GXYLT1: variants seen among roughly 807,000 people sequenced by gnomAD.
GXYLT1 encodes glucoside xylosyltransferase 1.
In GXYLT1, 29 loss-of-function variants were observed where a neutral mutation model predicts 54.0. The observed-to-expected ratio is 0.54, with a 90% CI of 0.40 to 0.73. The LOEUF (loss-of-function observed/expected upper bound fraction) is 0.73, where lower values mean the gene tolerates loss of function less well. GXYLT1 is among the 30% of genes least tolerant of loss of function. GXYLT1 has a pLI of 0.00. For missense variants in GXYLT1, 490 were observed against 553.4 expected, an observed-to-expected ratio of 0.89 and a Z score of 1.15; for synonymous variants, 176 against 204.1, an observed-to-expected ratio of 0.86 and a Z score of 1.17.
intron 1 of GXYLT1, among the ~76,000 whole-genome samples, chr12:42,131,325 A>C (rs1006694170): frequency 6.6e-6 from 1 of 152,160 alleles, no homozygotes; most frequent in Non-Finnish European, 1.5e-5. Context: ...TACTGTGCTT[A>C]TATCAAATGG....
At chr12:42,134,599 G>A (rs77501563) in intron 1 of GXYLT1, among the ~76,000 whole-genome samples, 3 of 152,096 alleles carry the variant, frequency 2.0e-5, no homozygotes, top group Non-Finnish European at 4.4e-5. Context: ...TAAGCTCCCT[G>A]CTTTACCCAT....
At chr12:42,111,978 C>T (rs376844004) in intron 3 of GXYLT1, among the ~76,000 whole-genome samples, 2 of 152,186 alleles carry the variant, frequency 1.3e-5, no homozygotes, top group African/African-American at 2.4e-5. Context: ...TTGCGGTTCA[C>T]CAATATCTGC....
chr12:42,101,833 A>G (rs2065391900), intron 5 of GXYLT1, among the ~76,000 whole-genome samples: 1 of 152,154 alleles, frequency 6.6e-6, no homozygotes, highest in African/African-American at 2.4e-5. Flanking sequence ...CGGCCTCCCA[A>G]AGTGCTGGGA....
chr12:42,117,731 T>C (rs190417354), intron 3 of GXYLT1, among the ~76,000 whole-genome samples: 11 of 152,348 alleles, frequency 7.2e-5, no homozygotes, highest in African/African-American at 2.4e-4. Flanking sequence ...TTTTCTTATA[T>C]GTTCTTCTGC....
chr12:42,113,068 G>C (rs2136898581), intron 3 of GXYLT1, among the ~76,000 whole-genome samples: 1 of 151,208 alleles, frequency 6.6e-6, no homozygotes, highest in South Asian at 2.1e-4. Context: ...ATACTTTACA[G>C]ACAAGCAAAT....
chr12:42,114,464 C>T (rs999023953), intron 3 of GXYLT1, among the ~76,000 whole-genome samples: 12 of 152,166 alleles, frequency 7.9e-5, no homozygotes, highest in African/African-American at 2.2e-4. Context: ...ACCAATCCCA[C>T]AGAAATACAA....
chr12:42,101,039 A>G (rs2065386941), intron 5 of GXYLT1, among the ~76,000 whole-genome samples: 1 of 152,004 alleles, frequency 6.6e-6, no homozygotes, highest in African/African-American at 2.4e-5. Flanking sequence ...GGAAAAAAAT[A>G]AAAAGGGAAA....
intron 3 of GXYLT1, among the ~76,000 whole-genome samples, chr12:42,113,520 C>G (rs1485230168): frequency 6.6e-6 from 1 of 151,022 alleles, no homozygotes; most frequent in Non-Finnish European, 1.5e-5. Flanking sequence ...CAACAAAGAT[C>G]AGAAGAGACA....
intron 5 of GXYLT1, among the ~76,000 whole-genome samples, chr12:42,100,310 T>C (rs1488205563): frequency 2.0e-5 from 3 of 152,196 alleles, no homozygotes; most frequent in East Asian, 1.9e-4. Context: ...TAATTAAGTA[T>C]AGAAATTAAG....
chr12:42,087,599 T>G lies in GXYLT1; in HGVS notation c.*187A>C. ...AACATCAGAGATAAAAAATGTTCAATGTTGAGGCCCAAGATTTTAACTTAT... is the reference window on the plus strand; with the variant it reads ...AACATCAGAGATAAAAAATGTTCAAGGTTGAGGCCCAAGATTTTAACTTAT... On this transcript the variant is annotated 3_prime_UTR_variant, in exon 8 of 8. Coordinates refer to ENST00000398675, the MANE Select transcript of GXYLT1 (RefSeq NM_173601.2). The G allele has an allele frequency of 1.9e-6, 1 of 515,500 alleles. No homozygotes were observed. Among genetic ancestry groups the G allele is most frequent in the Non-Finnish European group, 3.4e-6 (1 of 295,110 alleles). The allele number at this position is 515,500 out of a possible 1,614,324, so 31.9% of individuals were successfully genotyped here.
At chr12:42,115,444 AAATC>A (rs1235873603) in intron 3 of GXYLT1, among the ~76,000 whole-genome samples, 1 of 152,242 alleles carries the variant, frequency 6.6e-6, no homozygotes, top group African/African-American at 2.4e-5. Context: ...TCAGGATACA[AAATC>A]AATGTGCAAA....
At chr12:42,121,921 A>T (rs2065533822) in intron 2 of GXYLT1, among the ~76,000 whole-genome samples, 1 of 152,198 alleles carries the variant, frequency 6.6e-6, no homozygotes, top group Admixed American at 6.5e-5. Context: ...AAAAGACAGG[A>T]AAATCAATTG....
intron 1 of GXYLT1, among the ~76,000 whole-genome samples, chr12:42,132,873 G>A (rs61940178): frequency 0.014 from 2,178 of 152,106 alleles, 23 homozygotes; most frequent in Admixed American, 0.019. Flanking sequence ...ACTCAGTAAC[G>A]AGTTTAAATT....
intron 5 of GXYLT1, among the ~76,000 whole-genome samples, chr12:42,101,894 T>C (rs2065392399): frequency 6.6e-6 from 1 of 152,084 alleles, no homozygotes; most frequent in African/African-American, 2.4e-5. Flanking sequence ...TTTTAAAAGG[T>C]CCAAAGAACA....
At position 42,086,517 on chromosome 12, in the gene GXYLT1, T is replaced by C. The variant is rs1225685446; in HGVS notation, c.*1269A>G. On this transcript the variant is annotated 3_prime_UTR_variant, in exon 8 of 8. Transcript: ENST00000398675. The stretch of plus-strand genomic sequence containing the variant: ...AAGAAGATAACCATATAGATAATCA[T>C]ATTGTTGGTAAAATAAGATATGTGC... The C allele has an allele frequency of 2.6e-5, 4 of 151,066 alleles. No homozygotes were observed. Among genetic ancestry groups the C allele is most frequent in the African/African-American group, 9.7e-5 (4 of 41,082 alleles). 9.4% of individuals were successfully genotyped at this position (151,066 alleles called of 1,614,324 possible). A position where few individuals can be genotyped will look rare whatever the true frequency, so the allele number is the denominator to read the frequency against.
At chr12:42,143,165 AT>A (rs1218694848) in intron 1 of GXYLT1, among the ~76,000 whole-genome samples, 1 of 152,230 alleles carries the variant, frequency 6.6e-6, no homozygotes, top group Admixed American at 6.5e-5. Flanking sequence ...TTCATTCAAT[AT>A]TTAATTAAAA....
At chr12:42,133,683 C>A (rs1390514939) in intron 1 of GXYLT1, among the ~76,000 whole-genome samples, 3 of 152,190 alleles carry the variant, frequency 2.0e-5, no homozygotes, top group Non-Finnish European at 4.4e-5. Context: ...TTCCTCTAAC[C>A]ATTCATTTGG....
chr12:42,101,322 C>T lies in GXYLT1; in HGVS notation c.865-3289G>A, dbSNP rs944329737. ...TTATAAGAAAAGATTTTTAACCACACCGGTAGTATAGTCAAGAAAATATGA... is the reference window on the plus strand; with the variant it reads ...TTATAAGAAAAGATTTTTAACCACATCGGTAGTATAGTCAAGAAAATATGA... On this transcript the variant is annotated intron_variant, in intron 5 of 7. Coordinates refer to ENST00000398675, the MANE Select transcript of GXYLT1 (RefSeq NM_173601.2). Among the ~76,000 whole-genome samples the T allele has an allele frequency of 5.3e-5, 8 of 152,072 alleles. No individual in the cohort carries two copies. The East Asian group carries it at 1.3e-3, about 26-fold the overall frequency.
intron 3 of GXYLT1, among the ~76,000 whole-genome samples, chr12:42,117,001 C>T (rs1162969790): frequency 3.3e-5 from 5 of 151,348 alleles, no homozygotes; most frequent in Non-Finnish European, 7.4e-5. Context: ...AGCTGGAAAC[C>T]ATCATTCTCA....
Sources: allele counts gnomAD v4.1 joint callset (sites outside exome capture counted in the v4.1 genomes callset), GRCh38; gene constraint gnomAD v4.1.1; transcripts MANE v1.5; gene names NCBI Gene and HGNC (gene_info 2026-07-23, HGNC 2026-07-21).